KHDRBS2: variants seen among roughly 807,000 people sequenced by gnomAD.
KHDRBS2 encodes KH RNA binding domain containing, signal transduction associated 2.
KHDRBS2 carries 26 observed loss-of-function variants against 44.3 expected under a neutral mutation model. The observed-to-expected ratio is 0.59, with a 90% CI of 0.43 to 0.81. The LOEUF is 0.81. Ranked by LOEUF, KHDRBS2 falls within the 40% of genes least tolerant of loss-of-function variation. KHDRBS2 has a pLI of 0.00. For synonymous variants in KHDRBS2, 194 were observed against 151.1 expected (o/e 1.28, Z -2.08); for missense variants, 476 against 433.1 (o/e 1.10, Z -0.88).
chr6:61,677,231 C>T (rs1487486705), downstream of KHDRBS2, among the ~76,000 whole-genome samples: 3 of 151,768 alleles, frequency 2.0e-5, no homozygotes, highest in African/African-American at 7.3e-5. Flanking sequence ...GAATAACAAC[C>T]TATAGCTGGT....
At chr6:61,746,043 T>TTTTAGTTTAGTTTAG (rs370422384) in intron 6 of KHDRBS2, among the ~76,000 whole-genome samples, 1 of 144,834 alleles carries the variant, frequency 6.9e-6, no homozygotes, top group African/African-American at 2.5e-5. Context: ...TTTTATTTTA[T>TTTTAGTTTAGTTTAG]TTTAGTTTAG....
chr6:61,867,724 T>A (rs895488378), intron 6 of KHDRBS2, among the ~76,000 whole-genome samples: 2 of 152,176 alleles, frequency 1.3e-5, no homozygotes, highest in African/African-American at 4.8e-5. Flanking sequence ...TTGCTGGCCA[T>A]CTGCTCTAGA....
the KHDRBS2 span, among the ~76,000 whole-genome samples, chr6:61,618,648 G>C: frequency 6.6e-6 from 1 of 152,006 alleles, no homozygotes; most frequent in Non-Finnish European, 1.5e-5. Context: ...GATAGGCCCC[G>C]TTGTGCATTG....
intron 2 of KHDRBS2, among the ~76,000 whole-genome samples, chr6:62,136,434 T>C (rs1473219721): frequency 1.3e-5 from 2 of 152,210 alleles, no homozygotes; most frequent in African/African-American, 2.4e-5. Context: ...CCTTTAAATA[T>C]GAAAAATGCG....
intron 6 of KHDRBS2, among the ~76,000 whole-genome samples, chr6:61,788,662 T>C (rs1271912725): frequency 1.3e-5 from 2 of 151,288 alleles, no homozygotes; most frequent in Non-Finnish European, 3.0e-5. Flanking sequence ...GCTAATTTTA[T>C]TTAAACGGAA....
intron 1 of KHDRBS2, among the ~76,000 whole-genome samples, chr6:62,221,920 T>A (rs1054186578): frequency 3.3e-5 from 5 of 152,042 alleles, no homozygotes; most frequent in Non-Finnish European, 7.4e-5. Flanking sequence ...TTTTAGTAAC[T>A]AAAAAACATA....
intron 6 of KHDRBS2, among the ~76,000 whole-genome samples, chr6:61,737,311 C>T (rs1358619501): frequency 2.6e-5 from 4 of 152,084 alleles, no homozygotes; most frequent in Non-Finnish European, 5.9e-5. Context: ...ATGTTCCCCA[C>T]ATAGCTGTAC....
chr6:62,021,361 A>G (rs1325448647), intron 3 of KHDRBS2, among the ~76,000 whole-genome samples: 1 of 151,966 alleles, frequency 6.6e-6, no homozygotes, highest in Non-Finnish European at 1.5e-5. Context: ...TTCCCATGAC[A>G]CAGGTTTACC....
At chr6:61,636,069 T>C in the KHDRBS2 span, among the ~76,000 whole-genome samples, 2 of 152,066 alleles carry the variant, frequency 1.3e-5, no homozygotes, top group East Asian at 3.9e-4. Context: ...TCCACAATAT[T>C]CCGTAGTTTC....
Position 62,152,347 on chromosome 6 carries a change from ATACT to A in KHDRBS2, c.219+24834_219+24837del, listed in dbSNP as rs776901418. Among the ~76,000 whole-genome samples, 13 of 152,240 alleles carry A rather than the reference ATACT, an allele frequency of 8.5e-5. No individual in the cohort carries two copies. In the South Asian group the frequency reaches 2.5e-3, roughly 29 times the overall value. On this transcript the variant is annotated intron_variant, in intron 2 of 8. Transcript: ENST00000281156. Reference sequence around the variant, plus strand: ...ACAAAAACAAAAAACAAACAAAAAAATACTTACCACATGGGGTTTGTGTAAGGCT... The same window carrying A: ...ACAAAAACAAAAAACAAACAAAAAAATACCACATGGGGTTTGTGTAAGGCT...
chr6:62,169,168 T>TACGTATATAG, intron 2 of KHDRBS2, among the ~76,000 whole-genome samples: 1 of 70,450 alleles, frequency 1.4e-5, no homozygotes. Context: ...CGTACACATA[T>TACGTATATAG]ATGTATATAT....
intron 3 of KHDRBS2, among the ~76,000 whole-genome samples, chr6:62,034,858 G>C (rs1785000023): frequency 6.6e-6 from 1 of 151,860 alleles, no homozygotes; most frequent in African/African-American, 2.4e-5. Flanking sequence ...AAGAACATAT[G>C]TAAGTAGCAA....
chr6:61,912,095 GT>G (rs1412520841), intron 4 of KHDRBS2, among the ~76,000 whole-genome samples: 1 of 152,062 alleles, frequency 6.6e-6, no homozygotes. Flanking sequence ...GGTTAAGAAT[GT>G]TAAGTGAAGC....
At chr6:61,881,036 G>T (rs1219042225) in intron 6 of KHDRBS2, among the ~76,000 whole-genome samples, 3 of 151,860 alleles carry the variant, frequency 2.0e-5, no homozygotes, top group Admixed American at 6.6e-5. Flanking sequence ...TTCAGAGGAG[G>T]AAAGATAAGA....
chr6:61,905,895 G>A (rs1483864299), intron 4 of KHDRBS2, among the ~76,000 whole-genome samples: 16 of 122,496 alleles, frequency 1.3e-4, no homozygotes, highest in Admixed American at 1.1e-4. Flanking sequence ...TCACTCTATC[G>A]CTCAGGCTGG....
intron 2 of KHDRBS2, among the ~76,000 whole-genome samples, chr6:62,070,538 G>A (rs1260645551): frequency 6.6e-6 from 1 of 151,234 alleles, no homozygotes; most frequent in Non-Finnish European, 1.5e-5. Flanking sequence ...CCCTTACTGT[G>A]TCCATGTGTT....
the KHDRBS2 span, among the ~76,000 whole-genome samples, chr6:61,656,231 G>T: frequency 1.3e-5 from 2 of 151,990 alleles, no homozygotes; most frequent in Non-Finnish European, 2.9e-5. Flanking sequence ...AGAGAAGATT[G>T]TAAAAACCAT....
chr6:61,672,434 A>G, the KHDRBS2 span, among the ~76,000 whole-genome samples: 963 of 152,160 alleles, frequency 6.3e-3, 11 homozygotes, highest in African/African-American at 0.022. Flanking sequence ...GACTTCCACA[A>G]TGGCTGAACT....
intron 2 of KHDRBS2, among the ~76,000 whole-genome samples, chr6:62,145,943 C>A (rs1813842308): frequency 6.6e-6 from 1 of 151,636 alleles, no homozygotes; most frequent in Non-Finnish European, 1.5e-5. Context: ...AGACTTGAGT[C>A]CCACCCCCAA....
Sources: gnomAD v4.1 joint callset for allele counts (sites outside exome capture counted in the v4.1 genomes callset) on GRCh38, gnomAD v4.1.1 for gene constraint, MANE v1.5 for transcripts, NCBI Gene and HGNC (gene_info 2026-07-23, HGNC 2026-07-21) for gene names.